Variants in ENTREP2 observed in about 807,000 individuals in gnomAD.
ENTREP2 encodes endosomal transmembrane epsin interactor 2.
chr15:29,390,116 C>T, the ENTREP2 span, among the ~76,000 whole-genome samples: 10 of 152,298 alleles, frequency 6.6e-5, no homozygotes, highest in African/African-American at 2.2e-4. Flanking sequence ...AGACCAAGGG[C>T]GGTTGATGTA....
At chr15:29,381,502 C>T in the ENTREP2 span, among the ~76,000 whole-genome samples, 1 of 149,132 alleles carries the variant, frequency 6.7e-6, no homozygotes, top group Admixed American at 6.7e-5. Flanking sequence ...ACGCTCGGTC[C>T]TTACAGGAGG....
the ENTREP2 span, among the ~76,000 whole-genome samples, chr15:29,288,837 A>C: frequency 2.0e-5 from 3 of 152,222 alleles, no homozygotes; most frequent in African/African-American, 7.2e-5. Context: ...ATGTATGTAC[A>C]TACATATATG....
At chr15:29,165,840 A>G in the ENTREP2 span, among the ~76,000 whole-genome samples, 2 of 152,190 alleles carry the variant, frequency 1.3e-5, no homozygotes, top group Non-Finnish European at 2.9e-5. Flanking sequence ...CATCACCCTA[A>G]TACCAAAACC....
At chr15:29,418,700 A>T in the ENTREP2 span, among the ~76,000 whole-genome samples, 1 of 152,226 alleles carries the variant, frequency 6.6e-6, no homozygotes, top group Non-Finnish European at 1.5e-5. Flanking sequence ...AATGGCTGAG[A>T]GTGACAAAAT....
the ENTREP2 span, among the ~76,000 whole-genome samples, chr15:29,378,143 A>C: frequency 6.6e-6 from 1 of 151,904 alleles, no homozygotes; most frequent in Non-Finnish European, 1.5e-5. Context: ...TCATTACTTA[A>C]GGTGTGGAAG....
the ENTREP2 span, among the ~76,000 whole-genome samples, chr15:29,290,628 C>A: frequency 6.6e-6 from 1 of 152,212 alleles, no homozygotes; most frequent in Admixed American, 6.5e-5. Context: ...ACACAGAAGG[C>A]GCTCAGTACA....
chr15:29,648,764 C>T, the ENTREP2 span, among the ~76,000 whole-genome samples: 6 of 151,768 alleles, frequency 4.0e-5, no homozygotes, highest in Non-Finnish European at 8.8e-5. Context: ...ATGGCGAAAC[C>T]CCATCTCTAC....
chr15:29,339,624 TG>T, the ENTREP2 span, among the ~76,000 whole-genome samples: 3 of 152,240 alleles, frequency 2.0e-5, no homozygotes, highest in Admixed American at 2.0e-4. Flanking sequence ...ACAACAGCAG[TG>T]GCCCCCAGCA....
the ENTREP2 span, among the ~76,000 whole-genome samples, chr15:29,183,521 G>A: frequency 1.3e-5 from 2 of 152,136 alleles, no homozygotes; most frequent in Non-Finnish European, 1.5e-5. Context: ...GAGAAACTGG[G>A]AACAACCCAG....
chr15:29,278,918 G>A, the ENTREP2 span, among the ~76,000 whole-genome samples: 4 of 152,134 alleles, frequency 2.6e-5, no homozygotes, highest in African/African-American at 4.8e-5. Context: ...TCAAGGAGTC[G>A]GCATGTTTGG....
At chr15:29,290,560 T>C in the ENTREP2 span, among the ~76,000 whole-genome samples, 1 of 152,192 alleles carries the variant, frequency 6.6e-6, no homozygotes, top group Middle Eastern at 3.2e-3. Context: ...TTTGGGAGAA[T>C]GAGAATTTTG....
At chr15:29,313,505 T>C in the ENTREP2 span, among the ~76,000 whole-genome samples, 1 of 152,230 alleles carries the variant, frequency 6.6e-6, no homozygotes, top group Non-Finnish European at 1.5e-5. Context: ...ATTTCACCTG[T>C]GCACTAGAAC....
At chr15:29,337,198 C>G in the ENTREP2 span, among the ~76,000 whole-genome samples, 1 of 152,148 alleles carries the variant, frequency 6.6e-6, no homozygotes, top group South Asian at 2.1e-4. Context: ...AGTTTATTGA[C>G]CTGGAGGAAT....
chr15:29,519,142 CT>C, the ENTREP2 span, among the ~76,000 whole-genome samples: 8 of 149,842 alleles, frequency 5.3e-5, no homozygotes, highest in African/African-American at 1.7e-4. Flanking sequence ...ACACCTCTTT[CT>C]CTCTCTCTCT....
the ENTREP2 span, among the ~76,000 whole-genome samples, chr15:29,448,053 G>A: frequency 6.6e-6 from 1 of 151,996 alleles, no homozygotes; most frequent in Non-Finnish European, 1.5e-5. Flanking sequence ...TAGCCTGGGT[G>A]ATGGAGCGAG....
chr15:29,624,939 G>A, the ENTREP2 span, among the ~76,000 whole-genome samples: 1 of 146,820 alleles, frequency 6.8e-6, no homozygotes, highest in Non-Finnish European at 1.5e-5. Flanking sequence ...CCTATGTGTA[G>A]ATTTATGTAA....
chr15:29,560,138 A>G, the ENTREP2 span, among the ~76,000 whole-genome samples: 4 of 152,306 alleles, frequency 2.6e-5, no homozygotes, highest in East Asian at 7.7e-4. Flanking sequence ...AGAAGTCTGT[A>G]TTTTTGAAGA....
the ENTREP2 span, among the ~76,000 whole-genome samples, chr15:29,160,690 CAG>C: frequency 1.8e-5 from 2 of 111,466 alleles, no homozygotes; most frequent in Non-Finnish European, 3.3e-5. Context: ...GCCTGGGTGA[CAG>C]AGTGAGACTC....
the ENTREP2 span, among the ~76,000 whole-genome samples, chr15:29,511,064 A>T: frequency 6.6e-6 from 1 of 152,104 alleles, no homozygotes; most frequent in Non-Finnish European, 1.5e-5. Context: ...AAGGGGAGGG[A>T]TAGCATTAGG....
Sources: allele counts gnomAD v4.1 joint callset (sites outside exome capture counted in the v4.1 genomes callset), GRCh38; gene constraint gnomAD v4.1.1; transcripts MANE v1.5; gene names NCBI Gene and HGNC (gene_info 2026-07-23, HGNC 2026-07-21).